Variants in SHC3 observed in about 807,000 individuals in gnomAD.
SHC3 encodes SHC adaptor protein 3.
In SHC3, 15 loss-of-function variants were observed where a neutral mutation model predicts 60.4. That is an observed-to-expected ratio of 0.25 (90% CI 0.17 to 0.38). SHC3 has a LOEUF of 0.38. Among genes scored for constraint, SHC3 ranks in the 10% least tolerant of loss-of-function variants. SHC3 has a pLI of 1.00. For synonymous variants in SHC3, 294 were observed against 325.9 expected (o/e 0.90, Z 1.05); for missense variants, 677 against 786.1 (o/e 0.86, Z 1.66).
At chr9:89,174,139 T>G (rs1384187160) in intron 1 of SHC3, among the ~76,000 whole-genome samples, 3 of 152,136 alleles carry the variant, frequency 2.0e-5, no homozygotes, top group Non-Finnish European at 4.4e-5. Context: ...TTTATACACT[T>G]TGTCAAGTGA....
At chr9:89,028,706 A>C (rs1159086219) in intron 11 of SHC3, among the ~76,000 whole-genome samples, 5 of 144,664 alleles carry the variant, frequency 3.5e-5, no homozygotes, top group South Asian at 4.3e-4. Flanking sequence ...TATATATTCT[A>C]TATATATCTA....
chr9:89,126,023 C>T (rs951830249), intron 1 of SHC3, among the ~76,000 whole-genome samples: 2 of 152,162 alleles, frequency 1.3e-5, no homozygotes, highest in African/African-American at 4.8e-5. Context: ...GATCCAAGAA[C>T]CCTCTCTTGG....
At chr9:89,138,984 C>T (rs750480087) in intron 1 of SHC3, among the ~76,000 whole-genome samples, 4 of 152,052 alleles carry the variant, frequency 2.6e-5, no homozygotes, top group Non-Finnish European at 5.9e-5. Context: ...CATTCCTACA[C>T]GAAGAGTACA....
At chr9:89,080,673 G>A (rs1413252496) in intron 2 of SHC3, among the ~76,000 whole-genome samples, 2 of 150,782 alleles carry the variant, frequency 1.3e-5, no homozygotes, top group African/African-American at 4.9e-5. Context: ...AATTACAGAT[G>A]GGTCACAAAT....
At chr9:89,070,574 T>C (rs1564118660) in intron 5 of SHC3, among the ~76,000 whole-genome samples, 1 of 152,220 alleles carries the variant, frequency 6.6e-6, no homozygotes, top group African/African-American at 2.4e-5. Flanking sequence ...CATCCTATTG[T>C]AGCATTCCCG....
At chr9:89,075,469 G>C (rs1267817463) in intron 3 of SHC3, among the ~76,000 whole-genome samples, 1 of 152,194 alleles carries the variant, frequency 6.6e-6, no homozygotes, top group Non-Finnish European at 1.5e-5. Context: ...GAAAACTCTT[G>C]CAGGCAGGCA....
intron 1 of SHC3, among the ~76,000 whole-genome samples, chr9:89,176,344 C>T (rs915168177): frequency 4.6e-5 from 7 of 152,206 alleles, no homozygotes; most frequent in African/African-American, 1.7e-4. Flanking sequence ...TTGATGCTGG[C>T]CTTCCTTCTT....
chr9:89,149,016 C>T (rs931515733), intron 1 of SHC3, among the ~76,000 whole-genome samples: 4 of 152,180 alleles, frequency 2.6e-5, no homozygotes, highest in African/African-American at 4.8e-5. Context: ...CAGCAAATTA[C>T]TTGAGCTTGT....
At chr9:89,055,228 C>A (rs1824929610) in intron 6 of SHC3, among the ~76,000 whole-genome samples, 1 of 152,244 alleles carries the variant, frequency 6.6e-6, no homozygotes, top group Non-Finnish European at 1.5e-5. Flanking sequence ...ACCAGACTTC[C>A]AGTTCTCAGC....
intron 10 of SHC3, among the ~76,000 whole-genome samples, chr9:89,039,047 C>T (rs754944494): frequency 4.6e-5 from 7 of 152,196 alleles, no homozygotes; most frequent in Non-Finnish European, 8.8e-5. Context: ...AACTAAATCC[C>T]GATGTTCGAT....
At chr9:89,122,510 C>T (rs889552420) in intron 1 of SHC3, among the ~76,000 whole-genome samples, 5 of 152,228 alleles carry the variant, frequency 3.3e-5, no homozygotes, top group African/African-American at 1.2e-4. Context: ...GGCTTGACAA[C>T]ACCTATTTCC....
rs1206373513 is a variant in SHC3, at chr9:89,145,693, A to AT, written c.474+32293dup. ...AAAGTTGCACTAAATGCCTAACAAG[A>AT]TTTTTTTTAAATAAATGAAAATAAT... On this transcript the variant is annotated intron_variant, in intron 1 of 11. Transcript: ENST00000375835. 2.6e-5 allele frequency among the ~76,000 whole-genome samples: 4 copies of AT among 152,278 alleles called. No homozygotes were observed. In the East Asian group the frequency reaches 5.8e-4, roughly 22 times the overall value.
intron 1 of SHC3, among the ~76,000 whole-genome samples, chr9:89,137,457 A>G (rs968106771): frequency 6.6e-6 from 1 of 152,122 alleles, no homozygotes; most frequent in African/African-American, 2.4e-5. Context: ...AAAAATCCCA[A>G]ATCTTAAGAA....
intron 1 of SHC3, among the ~76,000 whole-genome samples, chr9:89,123,012 A>C (rs1826113944): frequency 6.6e-6 from 1 of 152,178 alleles, no homozygotes; most frequent in South Asian, 2.1e-4. Context: ...CTTTTATGGG[A>C]TTGCTAACTA....
At chr9:89,159,984 G>A (rs1291855511) in intron 1 of SHC3, among the ~76,000 whole-genome samples, 2 of 152,202 alleles carry the variant, frequency 1.3e-5, no homozygotes, top group African/African-American at 4.8e-5. Flanking sequence ...CAGAGGTCAT[G>A]GAGTGCAAGG....
intron 1 of SHC3, among the ~76,000 whole-genome samples, chr9:89,163,739 T>C (rs1826745049): frequency 6.6e-6 from 1 of 151,390 alleles, no homozygotes; most frequent in South Asian, 2.1e-4. Flanking sequence ...AAACTTAAAG[T>C]ATAATTAAAA....
At chr9:89,088,990 T>C (rs974001236) in intron 2 of SHC3, 1 of 152,224 alleles carries the variant, frequency 6.6e-6, no homozygotes, top group Non-Finnish European at 1.5e-5. Context: ...TGAACGGTGT[T>C]CCTCATCTGC....
chr9:89,049,915 G>A (rs1824835085), intron 7 of SHC3, among the ~76,000 whole-genome samples: 1 of 152,062 alleles, frequency 6.6e-6, no homozygotes, highest in South Asian at 2.1e-4. Context: ...CTGCCCTGGA[G>A]TCACCGAGTC....
At chr9:89,140,452 G>C (rs1376821178) in intron 1 of SHC3, among the ~76,000 whole-genome samples, 1 of 151,974 alleles carries the variant, frequency 6.6e-6, no homozygotes, top group African/African-American at 2.4e-5. Context: ...GGGTGGGGGG[G>C]CGCATCTCCA....
Sources: gnomAD v4.1 joint callset for allele counts (sites outside exome capture counted in the v4.1 genomes callset) on GRCh38, gnomAD v4.1.1 for gene constraint, MANE v1.5 for transcripts, NCBI Gene and HGNC (gene_info 2026-07-23, HGNC 2026-07-21) for gene names.